The following SLC14A2 variants were observed in gnomAD, a reference collection of about 807,000 sequenced individuals.
SLC14A2 encodes solute carrier family 14 member 2.
Under a neutral mutation model 104.6 loss-of-function variants are expected in SLC14A2, and 91 were observed. The ratio of observed to expected loss-of-function variants is 0.87; its 90% confidence interval spans 0.73 to 1.04. The LOEUF is 1.04. SLC14A2 is among the 50% of genes least tolerant of loss of function. The probability of loss-of-function intolerance (pLI) is 0.00; values close to 1 mark genes in which losing one functional copy is unlikely to be tolerated. For synonymous variants in SLC14A2, 476 were observed against 466.4 expected, an observed-to-expected ratio of 1.02 and a Z score of -0.27; for missense variants, 1,189 against 1,156.0, an observed-to-expected ratio of 1.03 and a Z score of -0.41.
At chr18:45,414,953 A>G (rs1000383278) in intron 1 of SLC14A2, among the ~76,000 whole-genome samples, 1 of 151,552 alleles carries the variant, frequency 6.6e-6, no homozygotes, top group Admixed American at 6.6e-5. Flanking sequence ...GCTTCTTTGC[A>G]TGAAAGTCTA....
chr18:45,542,035 GT>G (rs60977948), intron 2 of SLC14A2, among the ~76,000 whole-genome samples: 8 of 54,236 alleles, frequency 1.5e-4, no homozygotes, highest in African/African-American at 1.9e-4. Context: ...AAGAGAGAGG[GT>G]TTTTTTTTTT....
chr18:45,443,469 A>C (rs1306672406), intron 1 of SLC14A2, among the ~76,000 whole-genome samples: 1 of 152,108 alleles, frequency 6.6e-6, no homozygotes, highest in Non-Finnish European at 1.5e-5. Flanking sequence ...CTTTCCGTGG[A>C]TGTGTGGCAG....
At chr18:45,391,407 G>A (rs1218245567) in intron 1 of SLC14A2, among the ~76,000 whole-genome samples, 1 of 152,192 alleles carries the variant, frequency 6.6e-6, no homozygotes, top group African/African-American at 2.4e-5. Context: ...TGTCTTTAAA[G>A]CAGCATGATT....
intron 1 of SLC14A2, among the ~76,000 whole-genome samples, chr18:45,419,351 T>C (rs1438352076): frequency 6.6e-6 from 1 of 152,244 alleles, no homozygotes; most frequent in Admixed American, 6.5e-5. Context: ...GCTTAAAGTA[T>C]GAACAGGAGG....
chr18:45,680,340 C>A (rs2046293748), intron 19 of SLC14A2, among the ~76,000 whole-genome samples: 1 of 152,196 alleles, frequency 6.6e-6, no homozygotes, highest in Non-Finnish European at 1.5e-5. Flanking sequence ...AGAGAAGTTA[C>A]AGATTAGACT....
chr18:45,323,213 G>A (rs2085202046), intron 1 of SLC14A2, among the ~76,000 whole-genome samples: 1 of 152,146 alleles, frequency 6.6e-6, no homozygotes, highest in African/African-American at 2.4e-5. Context: ...CAAACACATT[G>A]AGACTGTTGG....
intron 2 of SLC14A2, among the ~76,000 whole-genome samples, chr18:45,502,931 G>T (rs2043221735): frequency 6.6e-6 from 1 of 150,784 alleles, no homozygotes; most frequent in Non-Finnish European, 1.5e-5. Context: ...TTTTTTTTAA[G>T]GAATGATCAA....
chr18:45,357,727 G>A (rs1053883271), intron 1 of SLC14A2, among the ~76,000 whole-genome samples: 1 of 152,138 alleles, frequency 6.6e-6, no homozygotes, highest in Non-Finnish European at 1.5e-5. Context: ...CATCCCTCCA[G>A]GGCTCATGAC....
intron 1 of SLC14A2, among the ~76,000 whole-genome samples, chr18:45,314,837 A>G (rs2085113080): frequency 6.6e-6 from 1 of 152,218 alleles, no homozygotes; most frequent in Admixed American, 6.5e-5. Context: ...CATGTGAGAC[A>G]CTGGAGTAGA....
chr18:45,200,786 A>G, the SLC14A2 span, among the ~76,000 whole-genome samples: 2 of 152,128 alleles, frequency 1.3e-5, no homozygotes, highest in Non-Finnish European at 2.9e-5. Context: ...ATAGTTTTAT[A>G]CTTATAGAAA....
intron 1 of SLC14A2, among the ~76,000 whole-genome samples, chr18:45,395,428 A>G (rs2056698888): frequency 6.6e-6 from 1 of 152,178 alleles, no homozygotes; most frequent in Non-Finnish European, 1.5e-5. Flanking sequence ...TTCAATGGGT[A>G]TAGAATATCA....
At chr18:45,528,670 C>T (rs1432818383) in intron 2 of SLC14A2, 1 of 152,046 alleles carries the variant, frequency 6.6e-6, no homozygotes, top group Non-Finnish European at 1.5e-5. Flanking sequence ...GGTGGAGATA[C>T]ACAGATGAAC....
At chr18:45,613,159 C>T (rs1427147572), upstream of SLC14A2, among the ~76,000 whole-genome samples, 1 of 152,132 alleles carries the variant, frequency 6.6e-6, no homozygotes, top group African/African-American at 2.4e-5. Context: ...CTCAGCCTCC[C>T]GAGTAGCTGG....
At chr18:45,596,583 G>C (rs934739698) in intron 2 of SLC14A2, among the ~76,000 whole-genome samples, 4 of 152,160 alleles carry the variant, frequency 2.6e-5, no homozygotes, top group African/African-American at 9.7e-5. Context: ...TACCATGGCA[G>C]GTGTGCGTGT....
chr18:45,364,485 A>G (rs2085647172), intron 1 of SLC14A2, among the ~76,000 whole-genome samples: 1 of 152,186 alleles, frequency 6.6e-6, no homozygotes, highest in African/African-American at 2.4e-5. Flanking sequence ...AGTTAGACAA[A>G]TTATAAGAAT....
intron 2 of SLC14A2, among the ~76,000 whole-genome samples, chr18:45,604,813 G>A (rs979820526): frequency 2.0e-5 from 3 of 152,208 alleles, no homozygotes; most frequent in African/African-American, 4.8e-5. Flanking sequence ...AGACTTCACA[G>A]TTTTGGCATT....
intron 1 of SLC14A2, among the ~76,000 whole-genome samples, chr18:45,429,478 T>C (rs2086481451): frequency 6.6e-6 from 1 of 152,214 alleles, no homozygotes; most frequent in Non-Finnish European, 1.5e-5. Flanking sequence ...CTTTAGGGAT[T>C]CTACAGTGAG....
Position 45,237,150 on chromosome 18 carries a change from C to T in SLC14A2, c.-125+23959C>T, listed in dbSNP as rs73425913. ...GTATATGGCTGTTTTCATTTGGTGG[C>T]AATAGAAACAAAGGCAGCTCAACTG... On this transcript the variant is annotated intron_variant, in intron 1 of 20. Coordinates refer to the SLC14A2 transcript ENST00000586448. Among the ~76,000 whole-genome samples the T allele has an allele frequency of 2.8e-3, 431 of 152,142 alleles. 4 individuals carry two copies. The highest frequency in any genetic ancestry group is 9.8e-3 in the African/African-American group (405 of 41,504).
chr18:45,348,458 C>A (rs2085470662), intron 1 of SLC14A2, among the ~76,000 whole-genome samples: 1 of 152,164 alleles, frequency 6.6e-6, no homozygotes, highest in South Asian at 2.1e-4. Flanking sequence ...AACTCCTTCA[C>A]TGTAAAGTAA....
Sources: gnomAD v4.1 joint callset for allele counts (sites outside exome capture counted in the v4.1 genomes callset) on GRCh38, gnomAD v4.1.1 for gene constraint, MANE v1.5 for transcripts, NCBI Gene and HGNC (gene_info 2026-07-23, HGNC 2026-07-21) for gene names.